Variants in TRERF1 observed in about 807,000 individuals in gnomAD.
The protein encoded by TRERF1 is transcriptional regulating factor 1.
A neutral mutation model predicts 122.9 loss-of-function variants in TRERF1; 27 were observed. The ratio of observed to expected loss-of-function variants is 0.22; its 90% confidence interval spans 0.16 to 0.30. The LOEUF is 0.30. Among genes scored for constraint, TRERF1 ranks in the 10% least tolerant of loss-of-function variants. The pLI, the probability that TRERF1 is intolerant of heterozygous loss-of-function variation, is 1.00. For synonymous variants in TRERF1, 636 were observed against 641.7 expected (o/e 0.99, Z 0.13); for missense variants, 1,248 against 1,560.3 (o/e 0.80, Z 3.37).
At position 42,263,308 on chromosome 6, in the gene TRERF1, G is replaced by C; in HGVS notation, c.1884+12C>G. The stretch of plus-strand genomic sequence containing the variant: ...CTTGGGGTGAGTGTGGGGGAGAGAG[G>C]GTCATCCTCACGAGCACAGGCATCT... On this transcript the variant is annotated intron_variant, in intron 8 of 17. Coordinates refer to ENST00000372922, the Ensembl canonical transcript of TRERF1. This position sits in a 1 kb window ranked among gnomAD's most constrained non-coding sequence, Gnocchi z 5.6. 6.2e-7 allele frequency: 1 copy of C among 1,606,766 alleles called. No individual in the cohort carries two copies. The highest frequency in any genetic ancestry group is 8.5e-7 in the Non-Finnish European group (1 of 1,176,278).
chr6:42,281,681 G>A (rs1178553687), intron 4 of TRERF1, among the ~76,000 whole-genome samples: 1 of 152,184 alleles, frequency 6.6e-6, no homozygotes, highest in Non-Finnish European at 1.5e-5. Flanking sequence ...GACTCTGCCA[G>A]GATCCTCCAG....
rs896882066 is a variant in TRERF1, at chr6:42,228,742, G to T, written c.3279-73C>A. 2.1e-6 allele frequency: 3 copies of T among 1,435,106 alleles called. No individual in the cohort carries two copies. In the African/African-American group the frequency reaches 4.3e-5, roughly 20 times the overall value. The allele number at this position is 1,435,106 out of a possible 1,614,324, so 88.9% of individuals were successfully genotyped here. On this transcript the variant is annotated intron_variant, in intron 17 of 17. Coordinates refer to ENST00000372922, the Ensembl canonical transcript of TRERF1. The surrounding 1 kb of genome is among the most constrained non-coding windows in gnomAD (Gnocchi z 4.2). ...GTTCTTGGAAATCCAGGTGTCCTAC[G>T]GGGAATGGGGGTGTGTGGTCTGACA...
intron 5 of TRERF1, among the ~76,000 whole-genome samples, chr6:42,267,385 C>T (rs1582689951): frequency 1.3e-5 from 2 of 152,124 alleles, no homozygotes; most frequent in East Asian, 1.9e-4. Context: ...AATCCCAGCA[C>T]TTTGGGAAGG....
At chr6:42,319,104 C>T (rs1263150648) in intron 3 of TRERF1, among the ~76,000 whole-genome samples, 1 of 152,124 alleles carries the variant, frequency 6.6e-6, no homozygotes, top group Non-Finnish European at 1.5e-5. Context: ...GGCAGTGTTT[C>T]TCCACCTTTT....
chr6:42,258,936 T>C (rs1283642595), intron 9 of TRERF1, among the ~76,000 whole-genome samples: 2 of 152,158 alleles, frequency 1.3e-5, no homozygotes, highest in African/African-American at 4.8e-5. Flanking sequence ...GGTTTCACCA[T>C]GTTGGCCAGG....
intron 3 of TRERF1, among the ~76,000 whole-genome samples, chr6:42,312,001 T>G (rs1761748312): frequency 6.6e-6 from 1 of 152,104 alleles, no homozygotes; most frequent in African/African-American, 2.4e-5. Context: ...ATTTCAGACA[T>G]ATCATGGGGA....
Position 42,268,708 on chromosome 6 carries a change from T to C in TRERF1, c.883A>G (p.Ile295Val). The change falls in exon 5 of 18, where the codon ATT becomes GTT. Residue 295 changes from isoleucine (I) to valine (V), a missense_variant. Transcript: ENST00000372922. The surrounding 1 kb of genome is among the most constrained non-coding windows in gnomAD (Gnocchi z 4.4). ...GGCGGCTGTGGCTGTGATGGGCGAA[T>C]TTGTTGCGGCTGCGTCTGTATTTCT... 1 of 1,614,074 alleles carries C rather than the reference T, an allele frequency of 6.2e-7. No individual in the cohort carries two copies. Among genetic ancestry groups the C allele is most frequent in the Non-Finnish European group, 8.5e-7 (1 of 1,180,010 alleles).
intron 2 of TRERF1, among the ~76,000 whole-genome samples, chr6:42,438,039 A>G (rs1340298558): frequency 1.3e-5 from 2 of 151,712 alleles, no homozygotes; most frequent in Non-Finnish European, 2.9e-5. Flanking sequence ...CTCCCGCCCC[A>G]GCCTCCCGAG....
At chr6:42,438,408 G>A (rs1785853287) in intron 2 of TRERF1, among the ~76,000 whole-genome samples, 1 of 149,970 alleles carries the variant, frequency 6.7e-6, no homozygotes, top group South Asian at 2.2e-4. Context: ...TCAGGAGTTC[G>A]AGACCAGCCT....
In TRERF1 at chr6:42,259,965, G is replaced by A. The variant is rs755643544; in HGVS notation, c.1885-242C>T. ...CTAATTTCTGAAAGAGCTGGGGGTGGTAGGAATAGTGGGTGGGCAAGAAGT... is the reference window on the plus strand; with the variant it reads ...CTAATTTCTGAAAGAGCTGGGGGTGATAGGAATAGTGGGTGGGCAAGAAGT... On this transcript the variant is annotated intron_variant, in intron 8 of 17. Transcript: ENST00000372922. This position sits in a 1 kb window ranked among gnomAD's most constrained non-coding sequence, Gnocchi z 4.9. Among the ~76,000 whole-genome samples the A allele has an allele frequency of 2.0e-4, 31 of 152,046 alleles. No individual in the cohort carries two copies. The highest frequency in any genetic ancestry group is 4.1e-4 in the Non-Finnish European group (28 of 68,018).
At chr6:42,242,441 G>A (rs1422166175) in intron 15 of TRERF1, among the ~76,000 whole-genome samples, 1 of 152,174 alleles carries the variant, frequency 6.6e-6, no homozygotes, top group Non-Finnish European at 1.5e-5. Flanking sequence ...TTCACTGATG[G>A]TGACAAAAGC....
At chr6:42,346,481 G>C (rs1768310176) in intron 3 of TRERF1, among the ~76,000 whole-genome samples, 1 of 152,194 alleles carries the variant, frequency 6.6e-6, no homozygotes, top group Admixed American at 6.5e-5. Flanking sequence ...TCTATGTCCA[G>C]CTCCAAGAAC....
chr6:42,352,828 A>G (rs1769723893), intron 3 of TRERF1, among the ~76,000 whole-genome samples: 1 of 152,238 alleles, frequency 6.6e-6, no homozygotes, highest in Non-Finnish European at 1.5e-5. Context: ...ATACATGCAA[A>G]TGAAAATGAG....
intron 2 of TRERF1, among the ~76,000 whole-genome samples, chr6:42,402,428 C>A (rs984054027): frequency 6.6e-6 from 1 of 152,134 alleles, no homozygotes; most frequent in African/African-American, 2.4e-5. Context: ...GGGCTGTGAG[C>A]CTGACTAAAA....
chr6:42,413,097 G>A (rs1040078108), intron 2 of TRERF1, among the ~76,000 whole-genome samples: 15 of 152,118 alleles, frequency 9.9e-5, no homozygotes, highest in African/African-American at 2.4e-4. Context: ...CTACCCTCTC[G>A]GACCATCTAG....
intron 4 of TRERF1, among the ~76,000 whole-genome samples, chr6:42,281,382 C>T (rs1782274736): frequency 6.6e-6 from 1 of 152,074 alleles, no homozygotes; most frequent in Non-Finnish European, 1.5e-5. Context: ...AGCTCAGTCA[C>T]CTCAGGTATT....
intron 4 of TRERF1, among the ~76,000 whole-genome samples, chr6:42,271,527 T>C (rs538875955): frequency 5.3e-5 from 8 of 152,214 alleles, no homozygotes; most frequent in Non-Finnish European, 8.8e-5. Flanking sequence ...CTATGCACTA[T>C]GACCTGGTCA....
intron 3 of TRERF1, among the ~76,000 whole-genome samples, chr6:42,317,435 GCCT>G (rs1762677451): frequency 6.6e-6 from 1 of 151,784 alleles, no homozygotes; most frequent in African/African-American, 2.4e-5. Flanking sequence ...GCTTGCTGCA[GCCT>G]CAACCTCCCA....
chr6:42,387,243 T>C (rs993839185), intron 2 of TRERF1, among the ~76,000 whole-genome samples: 1 of 152,250 alleles, frequency 6.6e-6, no homozygotes, highest in Non-Finnish European at 1.5e-5. Flanking sequence ...TCACTGCCTT[T>C]TCTCAGAAGT....
Sources: gnomAD v4.1 joint callset for allele counts (sites outside exome capture counted in the v4.1 genomes callset) on GRCh38, gnomAD v4.1.1 for gene constraint, Gnocchi (gnomAD v3.1) non-coding constraint, MANE v1.5 for transcripts, NCBI Gene and HGNC (gene_info 2026-07-23, HGNC 2026-07-21) for gene names.